Variants in GRIP1 observed in about 807,000 individuals in gnomAD.
GRIP1 encodes glutamate receptor-interacting protein 1.
Under a neutral mutation model 129.9 loss-of-function variants are expected in GRIP1, and 45 were observed. The ratio of observed to expected loss-of-function variants is 0.35; its 90% CI spans 0.27 to 0.44. The LOEUF (loss-of-function observed/expected upper bound fraction) is 0.44. Ranked by LOEUF, GRIP1 falls within the 20% of genes least tolerant of loss-of-function variation. The pLI, the probability that GRIP1 is intolerant of heterozygous loss-of-function variation, is 1.00. For missense variants in GRIP1, 1,196 were observed against 1,396.8 expected, an observed-to-expected ratio of 0.86 and a Z score of 2.29; for synonymous variants, 530 against 520.8, an observed-to-expected ratio of 1.02 and a Z score of -0.24.
intron 1 of GRIP1, among the ~76,000 whole-genome samples, chr12:66,923,332 G>A (rs2041243946): frequency 6.6e-6 from 1 of 152,128 alleles, no homozygotes; most frequent in South Asian, 2.1e-4. Flanking sequence ...GCAACAGAGT[G>A]AGACCCTGTC....
At chr12:67,044,915 T>C (rs546208086) in intron 1 of GRIP1, among the ~76,000 whole-genome samples, 76 of 152,334 alleles carry the variant, frequency 5.0e-4, no homozygotes, top group Middle Eastern at 3.4e-3. Context: ...TGTTAGTTTA[T>C]TTAATCCTCA....
chr12:66,765,401 G>A (rs1411787382), intron 1 of GRIP1, among the ~76,000 whole-genome samples: 3 of 152,192 alleles, frequency 2.0e-5, no homozygotes, highest in Non-Finnish European at 4.4e-5. Context: ...TCTTTGAAAT[G>A]ACTCCTCTTT....
intron 1 of GRIP1, among the ~76,000 whole-genome samples, chr12:66,991,027 A>G (rs1386774747): frequency 1.3e-5 from 2 of 152,000 alleles, no homozygotes; most frequent in Admixed American, 6.6e-5. Context: ...TAATCCCAGC[A>G]CTTCGGGAGA....
chr12:66,949,208 C>A (rs1184195919), intron 1 of GRIP1, among the ~76,000 whole-genome samples: 2 of 152,044 alleles, frequency 1.3e-5, no homozygotes, highest in African/African-American at 4.8e-5. Flanking sequence ...TTATGGGAAT[C>A]CTATATAATA....
At chr12:66,869,500 T>C (rs2040259956) in intron 1 of GRIP1, among the ~76,000 whole-genome samples, 1 of 152,138 alleles carries the variant, frequency 6.6e-6, no homozygotes. Flanking sequence ...CATGTCTCTG[T>C]TGCAGCTGAC....
rs1592779380 is a variant in GRIP1, at chr12:66,404,583, C to T, written c.1984+1700G>A. 3.3e-5 allele frequency among the ~76,000 whole-genome samples: 5 copies of T among 152,206 alleles called. 1 individual carries two copies. The highest frequency in any genetic ancestry group is 3.3e-4 in the Admixed American group (5 of 15,294). ...AGTTGTAAACTTCAAAATCTAGAGG[C>T]AATTATATTTATTCCTAAACCCGTT... is the stretch of plus-strand genomic sequence containing the variant. On this transcript the variant is annotated intron_variant, in intron 16 of 24. Coordinates refer to ENST00000359742, the MANE Select transcript of GRIP1 (RefSeq NM_001366722.1).
At chr12:66,485,731 T>A (rs141924716) in intron 7 of GRIP1, among the ~76,000 whole-genome samples, 149 of 152,186 alleles carry the variant, frequency 9.8e-4, no homozygotes, top group African/African-American at 3.3e-3. Flanking sequence ...TTGATTCCTA[T>A]GTGTTGTGCC....
chr12:66,589,185 T>C (rs1395284359), intron 2 of GRIP1, among the ~76,000 whole-genome samples: 122 of 100,464 alleles, frequency 1.2e-3, no homozygotes, highest in South Asian at 3.0e-3. Context: ...ATTATTCCCC[T>C]CCCCCACCTT....
At chr12:66,709,167 T>A (rs767203929) in intron 1 of GRIP1, among the ~76,000 whole-genome samples, 13 of 151,976 alleles carry the variant, frequency 8.6e-5, no homozygotes, top group Non-Finnish European at 1.3e-4. Flanking sequence ...GTCGTTCAGC[T>A]TATTCAAGGA....
intron 15 of GRIP1, among the ~76,000 whole-genome samples, chr12:66,407,597 G>A (rs1047147688): frequency 7.2e-5 from 11 of 152,116 alleles, no homozygotes; most frequent in Non-Finnish European, 1.6e-4. Flanking sequence ...CTGTCACAGC[G>A]GAAAGCAACA....
intron 1 of GRIP1, among the ~76,000 whole-genome samples, chr12:66,754,248 G>T (rs766282664): frequency 6.6e-6 from 1 of 152,040 alleles, no homozygotes; most frequent in Non-Finnish European, 1.5e-5. Flanking sequence ...ACAAGTAACT[G>T]AAAAAAGGTC....
intron 1 of GRIP1, among the ~76,000 whole-genome samples, chr12:66,890,821 G>A (rs2137230513): frequency 6.6e-6 from 1 of 152,250 alleles, no homozygotes; most frequent in South Asian, 2.1e-4. Context: ...AGGGTAACAG[G>A]TGTGCTGTGT....
intron 1 of GRIP1, among the ~76,000 whole-genome samples, chr12:66,880,058 G>A (rs186465815): frequency 3.0e-3 from 459 of 152,234 alleles, no homozygotes; most frequent in Non-Finnish European, 4.6e-3. Context: ...AGAAGGAAAT[G>A]AGGGTAGCTG....
At chr12:66,792,351 C>T (rs1272676508) in intron 1 of GRIP1, among the ~76,000 whole-genome samples, 1 of 152,056 alleles carries the variant, frequency 6.6e-6, no homozygotes, top group Non-Finnish European at 1.5e-5. Flanking sequence ...CCTCAGTGTC[C>T]ACACCCCCTT....
chr12:66,961,041 A>G lies in GRIP1; in HGVS notation c.58+108009T>C, dbSNP rs75520973. Among the ~76,000 whole-genome samples, 395 of 152,320 alleles carry G rather than the reference A, an allele frequency of 2.6e-3. 8 individuals carry two copies. The highest frequency in any genetic ancestry group is 3.9e-3 in the East Asian group (20 of 5,190). On this transcript the variant is annotated intron_variant, in intron 1 of 1. Coordinates refer to the GRIP1 transcript ENST00000643019. Reference sequence around the variant, plus strand: ...GCTGCAAAATTCCATCTGTGTGTCCATAAGATATACCTATTTTGTGGCCTG... The same window carrying G: ...GCTGCAAAATTCCATCTGTGTGTCCGTAAGATATACCTATTTTGTGGCCTG...
chr12:66,924,042 G>A (rs113023112), intron 1 of GRIP1, among the ~76,000 whole-genome samples: 143 of 151,908 alleles, frequency 9.4e-4, no homozygotes, highest in African/African-American at 3.2e-3. Context: ...GTGGGGTTTC[G>A]CCATGTTGGC....
At chr12:67,059,957 T>G (rs1478607884) in intron 1 of GRIP1, among the ~76,000 whole-genome samples, 1 of 152,212 alleles carries the variant, frequency 6.6e-6, no homozygotes, top group Non-Finnish European at 1.5e-5. Flanking sequence ...TTTATCTCAT[T>G]GAAGAGGACA....
At chr12:66,563,606 A>T (rs1364462092) in intron 2 of GRIP1, 2 of 163,932 alleles carry the variant, frequency 1.2e-5, no homozygotes, top group Non-Finnish European at 2.7e-5. Flanking sequence ...AGGAGAAGGA[A>T]ATCCAATGGG....
intron 1 of GRIP1, among the ~76,000 whole-genome samples, chr12:66,799,969 C>T (rs565948722): frequency 6.6e-6 from 1 of 152,084 alleles, no homozygotes; most frequent in East Asian, 1.9e-4. Context: ...TTTTAAAATA[C>T]GATTTGAATA....
Sources: gnomAD v4.1 joint callset for allele counts (sites outside exome capture counted in the v4.1 genomes callset) on GRCh38, gnomAD v4.1.1 for gene constraint, MANE v1.5 for transcripts, NCBI Gene and HGNC (gene_info 2026-07-23, HGNC 2026-07-21) for gene names.